The following CDH20 variants were observed in gnomAD, a reference collection of about 807,000 sequenced individuals.
The protein encoded by CDH20 is cadherin-20.
A neutral mutation model predicts 74.2 loss-of-function variants in CDH20; 29 were observed. That is an observed-to-expected ratio of 0.39 (90% CI 0.29 to 0.53). CDH20 has a LOEUF of 0.53. Ranked by LOEUF, CDH20 falls within the 20% of genes least tolerant of loss-of-function variation. The pLI is 0.69. For missense variants in CDH20, 988 were observed against 1,048.3 expected (o/e 0.94, Z 0.79); for synonymous variants, 469 against 405.4 (o/e 1.16, Z -1.88).
At chr18:61,432,339 C>G (rs1913286970) in intron 1 of CDH20, among the ~76,000 whole-genome samples, 1 of 152,030 alleles carries the variant, frequency 6.6e-6, no homozygotes, top group African/African-American at 2.4e-5. Flanking sequence ...GTCTGTTCTC[C>G]CACACATATT....
At chr18:61,390,909 G>T (rs920464749) in intron 1 of CDH20, among the ~76,000 whole-genome samples, 1 of 152,118 alleles carries the variant, frequency 6.6e-6, no homozygotes, top group Non-Finnish European at 1.5e-5. Context: ...TTGGAGTGAG[G>T]AAGGCCTTTT....
intron 1 of CDH20, among the ~76,000 whole-genome samples, chr18:61,423,990 T>C (rs1912980858): frequency 6.6e-6 from 1 of 152,192 alleles, no homozygotes; most frequent in Non-Finnish European, 1.5e-5. Flanking sequence ...CTTCTTCGCT[T>C]CCTACGCTCA....
intron 1 of CDH20, among the ~76,000 whole-genome samples, chr18:61,343,371 T>A (rs1910015334): frequency 6.6e-6 from 1 of 152,336 alleles, no homozygotes; most frequent in South Asian, 2.1e-4. Flanking sequence ...AAAAGGCTGA[T>A]ATGATCCACT....
chr18:61,351,297 C>T (rs577916329), intron 1 of CDH20, among the ~76,000 whole-genome samples: 1 of 152,152 alleles, frequency 6.6e-6, no homozygotes, highest in Non-Finnish European at 1.5e-5. Context: ...TTCACTCCCC[C>T]CATCCTCTGG....
intron 1 of CDH20, among the ~76,000 whole-genome samples, chr18:61,479,043 CACTT>C (rs957520034): frequency 4.9e-4 from 75 of 152,106 alleles, no homozygotes; most frequent in African/African-American, 1.5e-3. Context: ...CTCTCAGAAA[CACTT>C]AAAGTGTGGA....
Position 61,539,131 on chromosome 18 carries a change from G to C in CDH20, c.1516G>C (p.Ala506Pro). The C allele has an allele frequency of 6.2e-7, 1 of 1,614,020 alleles. No homozygotes were observed. Among genetic ancestry groups the C allele is most frequent in the Admixed American group, 1.7e-5 (1 of 59,996 alleles). The change falls in exon 9 of 12, where the codon GCC (alanine) becomes CCC (proline). Residue 506 changes from alanine (A) to proline (P), a missense_variant. Coordinates refer to ENST00000262717, the MANE Select transcript of CDH20 (RefSeq NM_031891.4). ...CTATGAAGCTTTTGTCTGTGAGAAC[G>C]CCAAGGCAGGACAGGTAAGGTGGCC... ...RFYEAFVCENAKAGQLIQTVS... is the reference protein window; with the variant it reads ...RFYEAFVCENPKAGQLIQTVS...
chr18:61,427,018 G>A (rs947599787), intron 1 of CDH20, among the ~76,000 whole-genome samples: 19 of 152,026 alleles, frequency 1.2e-4, no homozygotes, highest in African/African-American at 4.6e-4. Flanking sequence ...AGCAAATCAG[G>A]GGTCAGAACA....
intron 6 of CDH20, among the ~76,000 whole-genome samples, chr18:61,525,214 T>G (rs1215806883): frequency 2.6e-5 from 4 of 152,040 alleles, no homozygotes; most frequent in Non-Finnish European, 5.9e-5. Context: ...CCTGCCAACT[T>G]TATACTAAAA....
intron 6 of CDH20, among the ~76,000 whole-genome samples, chr18:61,514,580 T>G (rs371661623): frequency 1.4e-4 from 21 of 149,000 alleles, no homozygotes; most frequent in African/African-American, 2.5e-4. Flanking sequence ...GGCGCTCTGC[T>G]TTTTAGAGTT....
In CDH20 at chr18:61,545,072, G is replaced by C. The variant is rs1341397164; in HGVS notation, c.1576G>C (p.Gly526Arg). The change falls in exon 10 of 12, where the codon GGT becomes CGT. Residue 526 changes from glycine (G) to arginine (R), a missense_variant. Physicochemically the swap from Gly to Arg is moderately radical, Grantham distance 125. Around this residue, in one of 2 missense-constraint regions of CDH20, gnomAD observed 613 missense variants for 755.2 expected, o/e 0.81. Coordinates refer to ENST00000262717, the MANE Select transcript of CDH20 (RefSeq NM_031891.4). Reference sequence around the variant, plus strand: ...GGTGGACCAAGATGACCCACGCAATGGTCAGCATTTCTACTACAGCTTGGC... The same window carrying C: ...GGTGGACCAAGATGACCCACGCAATCGTCAGCATTTCTACTACAGCTTGGC... ...SAVDQDDPRN[G>R]QHFYYSLAPE... The C allele has an allele frequency of 1.2e-6, 2 of 1,613,912 alleles. No homozygotes were observed. The highest frequency in any genetic ancestry group is 2.2e-5 in the South Asian group (2 of 91,082).
At chr18:61,551,760 A>C (rs771655406) in intron 11 of CDH20, among the ~76,000 whole-genome samples, 1 of 152,112 alleles carries the variant, frequency 6.6e-6, no homozygotes, top group Non-Finnish European at 1.5e-5. Context: ...CTTTGAAGAA[A>C]CTTGTTCCTG....
intron 1 of CDH20, among the ~76,000 whole-genome samples, chr18:61,471,178 C>A (rs965399285): frequency 3.3e-5 from 5 of 152,270 alleles, no homozygotes; most frequent in Admixed American, 3.3e-4. Flanking sequence ...TGTCCTTATT[C>A]TCTGCTCATG....
At position 61,514,551 on chromosome 18, in the gene CDH20, G is replaced by A. The variant is rs796954874; in HGVS notation, c.1017+6991G>A. 2.8e-4 allele frequency among the ~76,000 whole-genome samples: 43 copies of A among 151,452 alleles called. No homozygotes were observed. The South Asian group carries it at 6.1e-3, about 21-fold the overall frequency. ...TGTTCCGTTGCTGGTGAGGAACTGCGTTCCTTTGGAGGAGGAGAGGCGCTC... is the reference window on the plus strand; with the variant it reads ...TGTTCCGTTGCTGGTGAGGAACTGCATTCCTTTGGAGGAGGAGAGGCGCTC... On this transcript the variant is annotated intron_variant, in intron 6 of 11. Coordinates refer to ENST00000262717, the MANE Select transcript of CDH20 (RefSeq NM_031891.4).
chr18:61,536,473 CGT>C lies in CDH20; in HGVS notation c.1272-19_1272-18del. 6.2e-7 allele frequency: 1 copy of C among 1,610,734 alleles called. No homozygotes were observed. Among genetic ancestry groups the C allele is most frequent in the East Asian group, 2.2e-5 (1 of 44,844 alleles). On this transcript the variant is annotated intron_variant, in intron 7 of 11. Transcript: ENST00000262717. The stretch of plus-strand genomic sequence containing the variant: ...TGCTTACCCAAATGCAAATGATGTA[CGT>C]AATCCATGTTTCTGCAGATACTCCA...
chr18:61,383,356 G>T (rs1328527228), intron 1 of CDH20, among the ~76,000 whole-genome samples: 1 of 152,096 alleles, frequency 6.6e-6, no homozygotes, highest in African/African-American at 2.4e-5. Flanking sequence ...CAAGGCAGGT[G>T]GATCACCTGA....
At chr18:61,463,017 A>G (rs956519611) in intron 1 of CDH20, among the ~76,000 whole-genome samples, 1 of 152,224 alleles carries the variant, frequency 6.6e-6, no homozygotes, top group Non-Finnish European at 1.5e-5. Flanking sequence ...ATATTGTAGT[A>G]AACAACTTCT....
chr18:61,455,287 C>A (rs1310401610), intron 1 of CDH20, among the ~76,000 whole-genome samples: 10 of 152,046 alleles, frequency 6.6e-5, no homozygotes. Context: ...GAATAGTAAA[C>A]AGATATTAGT....
intron 6 of CDH20, among the ~76,000 whole-genome samples, chr18:61,515,147 G>A (rs1268956524): frequency 6.6e-6 from 1 of 152,108 alleles, no homozygotes; most frequent in Non-Finnish European, 1.5e-5. Flanking sequence ...CTAGCAATCA[G>A]CGAGACTCCG....
intron 1 of CDH20, among the ~76,000 whole-genome samples, chr18:61,376,543 C>A (rs1171958643): frequency 1.3e-5 from 2 of 151,982 alleles, no homozygotes; most frequent in African/African-American, 2.4e-5. Flanking sequence ...TTGGACTTAT[C>A]ATTAGTTATT....
Sources: gnomAD v4.1 joint callset for allele counts (sites outside exome capture counted in the v4.1 genomes callset) on GRCh38, gnomAD v4.1.1 for gene constraint, gnomAD v4.1.1 regional missense constraint, MANE v1.5 for transcripts, NCBI Gene and HGNC (gene_info 2026-07-23, HGNC 2026-07-21) for gene names.